DOCK3: variants seen among roughly 807,000 people sequenced by gnomAD.
DOCK3 encodes the protein dedicator of cytokinesis 3, also known as dedicator of cytokinesis protein 3.
Under a neutral mutation model 265.6 loss-of-function variants are expected in DOCK3, and 60 were observed. The ratio of observed to expected loss-of-function variants is 0.23; its 90% CI spans 0.18 to 0.28. The LOEUF (loss-of-function observed/expected upper bound fraction) is 0.28, where lower values mean the gene tolerates loss of function less well. Among genes scored for constraint, DOCK3 ranks in the 10% least tolerant of loss-of-function variants. DOCK3 has a pLI of 1.00. For synonymous variants in DOCK3, 881 were observed against 938.0 expected, an observed-to-expected ratio of 0.94 and a Z score of 1.11; for missense variants, 1,981 against 2,594.3, an observed-to-expected ratio of 0.76 and a Z score of 5.14.
In DOCK3 at chr3:51,004,749, C is replaced by A. The variant is rs1264594154; in HGVS notation, c.316-59699C>A. Among the ~76,000 whole-genome samples, 3 of 126,062 alleles carry A rather than the reference C, an allele frequency of 2.4e-5. No individual in the cohort carries two copies. The Admixed American group carries it at 2.6e-4, about 11-fold the overall frequency. 82.7% of individuals were successfully genotyped at this position (126,062 alleles called of 152,430 possible). A position where few individuals can be genotyped will look rare whatever the true frequency, so the allele number is the denominator to read the frequency against. On this transcript the variant is annotated intron_variant, in intron 5 of 52. Transcript: ENST00000266037. ...TTTTTTTTTTTACAAACTCCTGCAT[C>A]ATTTCTCATTAGGTGGTCAGACTGT...
At chr3:51,200,828 G>C (rs1438893847) in intron 12 of DOCK3, among the ~76,000 whole-genome samples, 1 of 152,114 alleles carries the variant, frequency 6.6e-6, no homozygotes, top group Non-Finnish European at 1.5e-5. Flanking sequence ...CGGATCTCTT[G>C]GCAGAAACTC....
chr3:51,220,709 G>GTGTGTGTGTATATA (rs1208536854), intron 14 of DOCK3, among the ~76,000 whole-genome samples: 34 of 132,376 alleles, frequency 2.6e-4, no homozygotes, highest in African/African-American at 8.2e-4. Context: ...GTGTGTGTGT[G>GTGTGTGTGTATATA]TATATATATA....
At chr3:51,355,596 G>A (rs1413810277) in intron 41 of DOCK3, among the ~76,000 whole-genome samples, 2 of 152,206 alleles carry the variant, frequency 1.3e-5, no homozygotes, top group African/African-American at 4.8e-5. Flanking sequence ...GGGACCACAT[G>A]ACAGTTGCCA....
At chr3:51,081,521 A>G (rs926758289) in intron 7 of DOCK3, among the ~76,000 whole-genome samples, 1 of 152,192 alleles carries the variant, frequency 6.6e-6, no homozygotes, top group Non-Finnish European at 1.5e-5. Flanking sequence ...CAGTCTGCTC[A>G]AACTCTGTGA....
At chr3:51,315,874 A>C (rs1052489218) in intron 32 of DOCK3, among the ~76,000 whole-genome samples, 1 of 152,048 alleles carries the variant, frequency 6.6e-6, no homozygotes, top group Non-Finnish European at 1.5e-5. Flanking sequence ...TTGGCTTGGG[A>C]ATTGTACCAG....
intron 5 of DOCK3, among the ~76,000 whole-genome samples, chr3:51,060,146 G>A (rs1333710268): frequency 2.7e-5 from 4 of 148,604 alleles, no homozygotes; most frequent in African/African-American, 7.5e-5. Context: ...AAAACTTAAA[G>A]TATAATAATA....
chr3:51,104,695 T>A (rs991320560), intron 9 of DOCK3, among the ~76,000 whole-genome samples: 1 of 152,144 alleles, frequency 6.6e-6, no homozygotes. Context: ...TAAACACTTA[T>A]AATCTGAGAA....
chr3:51,322,987 G>T (rs2083841329), intron 32 of DOCK3, among the ~76,000 whole-genome samples: 4 of 150,712 alleles, frequency 2.7e-5, no homozygotes, highest in South Asian at 2.1e-4. Context: ...AAAAAAAGCA[G>T]GGGTTGCAAT....
chr3:50,966,178 A>G (rs1327256838), intron 5 of DOCK3, among the ~76,000 whole-genome samples: 1 of 152,172 alleles, frequency 6.6e-6, no homozygotes, highest in East Asian at 1.9e-4. Context: ...ATTGAATAAA[A>G]TGTTATTGTA....
In DOCK3 at chr3:51,331,836, T is replaced by TA. The variant is rs1487919188; in HGVS notation, c.3489-1164dup. ...ATATGAAAAATCTCCAAAAGGAGGG[T>TA]ATAGTGATCAGCATTTCCCAATTTT... is the stretch of plus-strand genomic sequence containing the variant. On this transcript the variant is annotated intron_variant, in intron 33 of 52. Transcript: ENST00000266037. Among the ~76,000 whole-genome samples the TA allele has an allele frequency of 2.6e-5, 4 of 152,142 alleles. No homozygotes were observed. The East Asian group carries it at 7.7e-4, about 29-fold the overall frequency.
intron 5 of DOCK3, among the ~76,000 whole-genome samples, chr3:51,025,840 A>C (rs917571137): frequency 1.4e-4 from 22 of 152,150 alleles, no homozygotes; most frequent in Non-Finnish European, 2.4e-4. Context: ...AATTTGATCC[A>C]GCTCTTGGTA....
chr3:51,260,457 G>A, intron 23 of DOCK3, 131 bp downstream of exon 23: 1 of 1,100,268 alleles, frequency 9.1e-7, no homozygotes, highest in Non-Finnish European at 1.2e-6. Flanking sequence ...TTATTTACAA[G>A]GAAATACCTG....
At chr3:50,957,114 C>G (rs1049049854) in intron 5 of DOCK3, among the ~76,000 whole-genome samples, 2 of 152,154 alleles carry the variant, frequency 1.3e-5, no homozygotes, top group African/African-American at 4.8e-5. Context: ...CTGGTCAATG[C>G]TAAGTCATGG....
chr3:51,322,509 C>T (rs2083801559), intron 32 of DOCK3, among the ~76,000 whole-genome samples: 1 of 152,130 alleles, frequency 6.6e-6, no homozygotes, highest in South Asian at 2.1e-4. Context: ...AGCCAACATT[C>T]TTAAAGAAAA....
At chr3:51,216,023 G>A (rs138667299) in intron 14 of DOCK3, among the ~76,000 whole-genome samples, 184 of 151,702 alleles carry the variant, frequency 1.2e-3, no homozygotes, top group African/African-American at 3.8e-3. Flanking sequence ...AGAATAAATA[G>A]TTACCAAAAT....
intron 12 of DOCK3, among the ~76,000 whole-genome samples, chr3:51,202,554 A>G (rs1038394791): frequency 6.6e-6 from 1 of 152,166 alleles, no homozygotes; most frequent in Non-Finnish European, 1.5e-5. Flanking sequence ...AGAGTCCAGG[A>G]CCAGATGGAT....
chr3:51,186,408 A>T (rs887505479), intron 12 of DOCK3, among the ~76,000 whole-genome samples: 4 of 152,210 alleles, frequency 2.6e-5, no homozygotes, highest in African/African-American at 9.6e-5. Flanking sequence ...TCAGTTTTAT[A>T]AGGGAAGCAG....
chr3:50,732,950 A>C (rs2038314302), intron 1 of DOCK3, among the ~76,000 whole-genome samples: 1 of 152,166 alleles, frequency 6.6e-6, no homozygotes, highest in Admixed American at 6.5e-5. Context: ...TCAATATCCT[A>C]CCAGGCATTT....
intron 5 of DOCK3, among the ~76,000 whole-genome samples, chr3:51,034,243 A>T (rs1446613021): frequency 6.6e-6 from 1 of 152,104 alleles, no homozygotes; most frequent in Non-Finnish European, 1.5e-5. Flanking sequence ...CTATATTGAG[A>T]TTTAATGCAA....
Sources: allele counts gnomAD v4.1 joint callset (sites outside exome capture counted in the v4.1 genomes callset), GRCh38; gene constraint gnomAD v4.1.1; transcripts MANE v1.5; gene names NCBI Gene and HGNC (gene_info 2026-07-23, HGNC 2026-07-21).